The following SUV39H2 variants were observed in gnomAD, a reference collection of about 807,000 sequenced individuals.
SUV39H2 encodes the protein SUV39H2 histone lysine methyltransferase, also known as histone-lysine N-methyltransferase SUV39H2.
SUV39H2 carries 10 observed loss-of-function variants against 47.5 expected under a neutral mutation model. The observed-to-expected ratio is 0.21, with a 90% confidence interval of 0.13 to 0.36. The LOEUF (loss-of-function observed/expected upper bound fraction) is 0.36, where lower values mean the gene tolerates loss of function less well. Ranked by LOEUF, SUV39H2 falls within the 10% of genes least tolerant of loss-of-function variation. SUV39H2 has a pLI of 1.00. For missense variants in SUV39H2, 266 were observed against 487.4 expected, an observed-to-expected ratio of 0.55 and a Z score of 4.28; for synonymous variants, 159 against 166.8, an observed-to-expected ratio of 0.95 and a Z score of 0.36.
intron 2 of SUV39H2, among the ~76,000 whole-genome samples, chr10:14,888,731 G>A (rs183313241): frequency 6.6e-6 from 1 of 152,226 alleles, no homozygotes; most frequent in East Asian, 1.9e-4. Context: ...CAGAGAACTG[G>A]AAAGAATCCA....
intron 1 of SUV39H2, among the ~76,000 whole-genome samples, chr10:14,880,852 C>T (rs1227988851): frequency 6.6e-6 from 1 of 152,122 alleles, no homozygotes; most frequent in Admixed American, 6.5e-5. Flanking sequence ...TATCGATATA[C>T]TCCATTTTTT....
At chr10:14,893,298 C>T (rs558399757) in intron 2 of SUV39H2, among the ~76,000 whole-genome samples, 2 of 152,056 alleles carry the variant, frequency 1.3e-5, no homozygotes, top group African/African-American at 2.4e-5. Flanking sequence ...CCACCGCGCC[C>T]GGCCTTTGTA....
At chr10:14,880,238 C>T (rs1289467777) in intron 1 of SUV39H2, among the ~76,000 whole-genome samples, 1 of 152,100 alleles carries the variant, frequency 6.6e-6, no homozygotes, top group African/African-American at 2.4e-5. Flanking sequence ...AGGATGGAAT[C>T]GTTTGCAGCC....
intron 2 of SUV39H2, among the ~76,000 whole-genome samples, chr10:14,894,511 G>A (rs1224146660): frequency 8.9e-6 from 1 of 112,190 alleles, no homozygotes; most frequent in African/African-American, 5.0e-5. Context: ...GGGACTACAG[G>A]CGCCCGCCAC....
chr10:14,896,680 T>C (rs772492908), intron 2 of SUV39H2, among the ~76,000 whole-genome samples, 166 bp from the exon 3 acceptor site: 3 of 152,246 alleles, frequency 2.0e-5, no homozygotes, highest in African/African-American at 2.4e-5. Context: ...AATAGTTTTA[T>C]TTGTATGATT....
At chr10:14,890,671 A>G (rs1457749632) in intron 2 of SUV39H2, among the ~76,000 whole-genome samples, 1 of 152,222 alleles carries the variant, frequency 6.6e-6, no homozygotes, top group Non-Finnish European at 1.5e-5. Context: ...AGCCAGATGC[A>G]GGTTATTTTA....
At position 14,897,214 on chromosome 10, in the gene SUV39H2, C is replaced by T; in HGVS notation, c.546C>T (p.Ser182=). 2 of 1,613,874 alleles carry T rather than the reference C, an allele frequency of 1.2e-6. No individual in the cohort carries two copies. The highest frequency in any genetic ancestry group is 1.7e-6 in the Non-Finnish European group (2 of 1,180,032). ...AATACAAACCAGCTCCTGGAATCAG[C>T]TTAGTCAATGAAGCTACCTTTGGTT... ...INEYKPAPGI[S]LVNEATFGCS... The change falls in exon 3 of 6, where the codon AGC becomes AGT. Residue 182 remains serine, a synonymous_variant. Coordinates refer to ENST00000354919, the MANE Select transcript of SUV39H2 (RefSeq NM_001193424.2).
At chr10:14,883,621 C>T (rs1421135361) in intron 2 of SUV39H2, among the ~76,000 whole-genome samples, 1 of 144,066 alleles carries the variant, frequency 6.9e-6, no homozygotes, top group East Asian at 2.1e-4. Flanking sequence ...AGGAGAATTG[C>T]TTGAACTCCA....
At chr10:14,890,735 G>A (rs994903674) in intron 2 of SUV39H2, among the ~76,000 whole-genome samples, 3 of 152,200 alleles carry the variant, frequency 2.0e-5, no homozygotes, top group Non-Finnish European at 4.4e-5. Context: ...AAATTACCTA[G>A]TGGAAAGACA....
intron 4 of SUV39H2, 114 bp downstream of exon 4, chr10:14,899,799 A>G (rs1833868177): frequency 7.0e-6 from 9 of 1,287,690 alleles, no homozygotes; most frequent in Non-Finnish European, 9.5e-6. Flanking sequence ...TTTCCAAAAT[A>G]TGTATTTTAT....
rs144034230 is a variant in SUV39H2 at position 14,897,487 on chromosome 10, A to G, written c.819A>G (p.Arg273=). ...TAAAGACCCTTGTGAAGATTAAAAG[A>G]ATGAGTTTTGTCATGGAATATGTTG... ...WGVKTLVKIK[R]MSFVMEYVGE... The change falls in exon 3 of 6, where the codon AGA becomes AGG. Residue 273 remains arginine, a synonymous_variant. Coordinates refer to ENST00000354919, the MANE Select transcript of SUV39H2 (RefSeq NM_001193424.2). 2 of 1,570,174 alleles carry G rather than the reference A, an allele frequency of 1.3e-6. No homozygotes were observed. The highest frequency in any genetic ancestry group is 1.4e-5 in the African/African-American group (1 of 73,618).
intron 2 of SUV39H2, among the ~76,000 whole-genome samples, chr10:14,881,895 G>A (rs922672660): frequency 2.6e-5 from 4 of 152,266 alleles, no homozygotes; most frequent in South Asian, 2.1e-4. Context: ...GATTATCTCC[G>A]TGTGGGTTAC....
At chr10:14,901,991 G>A (rs1203470949) in intron 5 of SUV39H2, among the ~76,000 whole-genome samples, 1 of 152,138 alleles carries the variant, frequency 6.6e-6, no homozygotes, top group Non-Finnish European at 1.5e-5. Context: ...CAATATAAAT[G>A]TTTTCTTTCC....
chr10:14,879,253 G>GT, intron 1 of SUV39H2: 1 of 523,188 alleles, frequency 1.9e-6, no homozygotes, highest in Middle Eastern at 6.7e-4. Flanking sequence ...GCAGTCCCCG[G>GT]TTGGAGGTCC....
intron 2 of SUV39H2, among the ~76,000 whole-genome samples, chr10:14,888,858 A>C (rs774429550): frequency 6.6e-6 from 1 of 152,162 alleles, no homozygotes; most frequent in Non-Finnish European, 1.5e-5. Context: ...TAATCCCAGC[A>C]CTTTGGGAGG....
chr10:14,885,759 T>C (rs970295148), intron 2 of SUV39H2, among the ~76,000 whole-genome samples: 2 of 152,158 alleles, frequency 1.3e-5, no homozygotes, highest in Non-Finnish European at 2.9e-5. Flanking sequence ...TTTTCTTCTC[T>C]TTCTCTTTCT....
At chr10:14,883,746 C>G (rs11597871) in intron 2 of SUV39H2, among the ~76,000 whole-genome samples, 13,840 of 142,934 alleles carry the variant, frequency 0.097, 849 homozygotes, top group Non-Finnish European at 0.14. Context: ...CACAGATTTT[C>G]TAGTATACTT....
intron 2 of SUV39H2, among the ~76,000 whole-genome samples, chr10:14,882,328 G>A (rs1016736700): frequency 1.1e-4 from 16 of 152,138 alleles, no homozygotes; most frequent in Non-Finnish European, 1.8e-4. Flanking sequence ...TAAGTGAATC[G>A]GGAATCTTGT....
intron 1 of SUV39H2, chr10:14,879,935 T>TA (rs200930246): frequency 7.9e-5 from 12 of 151,750 alleles, no homozygotes; most frequent in African/African-American, 2.9e-4. Context: ...TTTTTTTTTT[T>TA]AATTTTCAAA....
Sources: gnomAD v4.1 joint callset for allele counts (sites outside exome capture counted in the v4.1 genomes callset) on GRCh38, gnomAD v4.1.1 for gene constraint, MANE v1.5 for transcripts, NCBI Gene and HGNC (gene_info 2026-07-23, HGNC 2026-07-21) for gene names.